The following UBE2QL1 variants were observed in gnomAD, a reference collection of about 807,000 sequenced individuals.
UBE2QL1 encodes the protein ubiquitin-conjugating enzyme E2Q-like protein 1.
A neutral mutation model predicts 12.6 loss-of-function variants in UBE2QL1; 5 were observed. The ratio of observed to expected loss-of-function variants is 0.40; its 90% CI spans 0.21 to 0.83. The LOEUF (loss-of-function observed/expected upper bound fraction) is 0.83. UBE2QL1 is among the 40% of genes least tolerant of loss of function. UBE2QL1 has a pLI of 0.37. For synonymous variants in UBE2QL1, 96 were observed against 94.5 expected, an observed-to-expected ratio of 1.02 and a Z score of -0.10; for missense variants, 99 against 222.6, an observed-to-expected ratio of 0.44 and a Z score of 3.53.
chr5:6,472,630 T>C (rs903858804), intron 1 of UBE2QL1, among the ~76,000 whole-genome samples: 1 of 152,228 alleles, frequency 6.6e-6, no homozygotes, highest in African/African-American at 2.4e-5. Context: ...GTCCGGGTTG[T>C]CTAGCTTTTT....
chr5:6,452,790 C>T (rs1739435088), intron 1 of UBE2QL1, among the ~76,000 whole-genome samples: 2 of 152,146 alleles, frequency 1.3e-5, no homozygotes, highest in East Asian at 1.9e-4. Flanking sequence ...TACTGGCTTC[C>T]ACTCCAGGCT....
At chr5:6,485,262 C>T (rs1243113718) in intron 1 of UBE2QL1, among the ~76,000 whole-genome samples, 6 of 152,152 alleles carry the variant, frequency 3.9e-5, no homozygotes, top group African/African-American at 1.4e-4. Flanking sequence ...AGCTGAAGTC[C>T]CCTGCTTGTC....
At position 6,491,885 on chromosome 5, in the gene UBE2QL1, A is replaced by G. The variant is rs1400813436; in HGVS notation, c.*536A>G. ...GTGGCCCATGGTCCGCTGTGATGACATTTAGACCTCATTTGTGCTATGACC... is the reference window on the plus strand; with the variant it reads ...GTGGCCCATGGTCCGCTGTGATGACGTTTAGACCTCATTTGTGCTATGACC... On this transcript the variant is annotated 3_prime_UTR_variant, in exon 2 of 2. Coordinates refer to ENST00000399816, the MANE Select transcript of UBE2QL1 (RefSeq NM_001145161.3). 1 of 152,642 alleles carries G rather than the reference A, an allele frequency of 6.6e-6. No homozygotes were observed. The highest frequency in any genetic ancestry group is 1.5e-5 in the Non-Finnish European group (1 of 68,352). The allele number at this position is 152,642 out of a possible 1,614,324, so 9.5% of individuals were successfully genotyped here.
intron 1 of UBE2QL1, among the ~76,000 whole-genome samples, chr5:6,486,734 C>T (rs1734474869): frequency 6.6e-6 from 1 of 152,186 alleles, no homozygotes; most frequent in Non-Finnish European, 1.5e-5. Context: ...CTCTTCCTGC[C>T]TCTGGCTCTT....
At chr5:6,475,774 G>A (rs1048725720) in intron 1 of UBE2QL1, among the ~76,000 whole-genome samples, 3 of 152,030 alleles carry the variant, frequency 2.0e-5, no homozygotes, top group African/African-American at 7.2e-5. Flanking sequence ...TGAAGCCGAA[G>A]CTCTGCCAGG....
At chr5:6,462,484 C>T (rs1448148054) in intron 1 of UBE2QL1, among the ~76,000 whole-genome samples, 1 of 152,182 alleles carries the variant, frequency 6.6e-6, no homozygotes, top group African/African-American at 2.4e-5. Flanking sequence ...CTGAAGCAGA[C>T]CAGTGCTCCT....
chr5:6,462,225 A>G (rs272474), intron 1 of UBE2QL1, among the ~76,000 whole-genome samples: 141,257 of 152,214 alleles, frequency 0.93, 65,826 homozygotes, highest in East Asian at 1. Context: ...GGCGTATGAA[A>G]AAAGCAGCCA....
In UBE2QL1 at chr5:6,496,025, C is replaced by G. The variant is rs1257770079; in HGVS notation, c.*4676C>G. Among the ~76,000 whole-genome samples, 1 of 152,122 alleles carries G rather than the reference C, an allele frequency of 6.6e-6. No homozygotes were observed. The highest frequency in any genetic ancestry group is 1.5e-5 in the Non-Finnish European group (1 of 68,024). On this transcript the variant is annotated 3_prime_UTR_variant, in exon 2 of 2. Coordinates refer to ENST00000399816, the MANE Select transcript of UBE2QL1 (RefSeq NM_001145161.3). ...GGAGCAAAGTGTGCTGGCCAAACAG[C>G]AACAATCAAAGCAGAGGGGAGCAAG...
At chr5:6,453,912 C>T (rs1739464539) in intron 1 of UBE2QL1, among the ~76,000 whole-genome samples, 1 of 152,092 alleles carries the variant, frequency 6.6e-6, no homozygotes, top group African/African-American at 2.4e-5. Context: ...GACAGGGTCC[C>T]CTCTATCACC....
At chr5:6,470,049 T>TG (rs897307942) in intron 1 of UBE2QL1, among the ~76,000 whole-genome samples, 3 of 152,190 alleles carry the variant, frequency 2.0e-5, no homozygotes, top group Admixed American at 6.5e-5. Context: ...CAGAGCCCAG[T>TG]GGCGGCTCTG....
intron 1 of UBE2QL1, among the ~76,000 whole-genome samples, chr5:6,456,862 C>G (rs1178470510): frequency 6.6e-6 from 1 of 152,096 alleles, no homozygotes; most frequent in Non-Finnish European, 1.5e-5. Context: ...CCCGACCTTG[C>G]CCCTTACCTG....
At chr5:6,474,937 C>T (rs957538365) in intron 1 of UBE2QL1, among the ~76,000 whole-genome samples, 1 of 152,276 alleles carries the variant, frequency 6.6e-6, no homozygotes, top group African/African-American at 2.4e-5. Flanking sequence ...TCCGTTTCTC[C>T]GTCTTGAGGA....
chr5:6,473,400 G>A lies in UBE2QL1; in HGVS notation c.355-17818G>A, dbSNP rs62331850. ...CACAGCCTCCAAATTCACAGCAGCAGTGGGTGACAGCAGGGTGAGGGGAGC... is the reference window on the plus strand; with the variant it reads ...CACAGCCTCCAAATTCACAGCAGCAATGGGTGACAGCAGGGTGAGGGGAGC... On this transcript the variant is annotated intron_variant, in intron 1 of 1. Transcript: ENST00000399816. Among the ~76,000 whole-genome samples the A allele has an allele frequency of 2.0e-3, 309 of 152,338 alleles. 3 individuals are homozygous for A. Among genetic ancestry groups the A allele is most frequent in the Non-Finnish European group, 3.7e-3 (255 of 68,036 alleles).
intron 1 of UBE2QL1, among the ~76,000 whole-genome samples, chr5:6,454,354 G>A (rs1224332595): frequency 6.6e-6 from 1 of 152,122 alleles, no homozygotes; most frequent in Non-Finnish European, 1.5e-5. Context: ...TTCCTTCTGT[G>A]TGTGTCTGTG....
Position 6,464,956 on chromosome 5 carries a change from C to G in UBE2QL1, c.354+15709C>G, listed in dbSNP as rs185688537. Among the ~76,000 whole-genome samples the G allele has an allele frequency of 1.2e-4, 18 of 151,920 alleles. No homozygotes were observed. The East Asian group carries it at 3.5e-3, about 29-fold the overall frequency. On this transcript the variant is annotated intron_variant, in intron 1 of 1. Coordinates refer to ENST00000399816, the MANE Select transcript of UBE2QL1 (RefSeq NM_001145161.3). ...GAGGCACTGTCGCCAGGCTCAGGCA[C>G]TTTTTAACTATAACTAGCATTTTAG... is the stretch of plus-strand genomic sequence containing the variant.
At chr5:6,486,642 T>C (rs1207875242) in intron 1 of UBE2QL1, among the ~76,000 whole-genome samples, 1 of 152,230 alleles carries the variant, frequency 6.6e-6, no homozygotes, top group African/African-American at 2.4e-5. Context: ...TAGAAAGCTC[T>C]GAAGTCCCGG....
chr5:6,468,608 C>A (rs1469177491), intron 1 of UBE2QL1, among the ~76,000 whole-genome samples: 1 of 152,172 alleles, frequency 6.6e-6, no homozygotes, highest in Non-Finnish European at 1.5e-5. Flanking sequence ...TGCTGATGTA[C>A]CAAGTTGATG....
At chr5:6,474,515 A>G (rs1407717364) in intron 1 of UBE2QL1, among the ~76,000 whole-genome samples, 1 of 152,210 alleles carries the variant, frequency 6.6e-6, no homozygotes, top group Non-Finnish European at 1.5e-5. Flanking sequence ...TTGCTCCTTC[A>G]TTCTTCATCA....
chr5:6,473,509 A>G (rs530477379), intron 1 of UBE2QL1, among the ~76,000 whole-genome samples: 13 of 152,332 alleles, frequency 8.5e-5, no homozygotes, highest in Admixed American at 7.8e-4. Context: ...AACTGGCCAC[A>G]TGGCCCCATC....
Sources: allele counts gnomAD v4.1 joint callset (sites outside exome capture counted in the v4.1 genomes callset), GRCh38; gene constraint gnomAD v4.1.1; transcripts MANE v1.5; gene names NCBI Gene and HGNC (gene_info 2026-07-23, HGNC 2026-07-21).